The following AGBL1 variants were observed in gnomAD, a reference collection of about 807,000 sequenced individuals.
The protein encoded by AGBL1 is cytosolic carboxypeptidase 4.
A neutral mutation model predicts 118.9 loss-of-function variants in AGBL1; 130 were observed. The ratio of observed to expected loss-of-function variants is 1.09; its 90% CI spans 0.95 to 1.26. The LOEUF (loss-of-function observed/expected upper bound fraction) is 1.26. Ranked by LOEUF, AGBL1 falls within the 50% of genes most tolerant of loss-of-function variation. AGBL1 has a pLI of 0.00. For synonymous variants in AGBL1, 555 were observed against 478.9 expected (o/e 1.16, Z -2.08); for missense variants, 1,584 against 1,298.1 (o/e 1.22, Z -3.38).
intron 23 of AGBL1, among the ~76,000 whole-genome samples, chr15:86,928,852 A>G (rs1371822984): frequency 7.0e-6 from 1 of 143,338 alleles, no homozygotes; most frequent in African/African-American, 2.5e-5. Context: ...GTGTTAATTT[A>G]TAATTTTTTT....
chr15:86,759,419 A>G (rs892739494), intron 22 of AGBL1, among the ~76,000 whole-genome samples: 7 of 152,138 alleles, frequency 4.6e-5, no homozygotes, highest in Non-Finnish European at 8.8e-5. Flanking sequence ...ACTTCCTCAT[A>G]AAGTTGAAAA....
chr15:86,239,078 C>T (rs779424040), intron 6 of AGBL1, among the ~76,000 whole-genome samples: 2 of 152,112 alleles, frequency 1.3e-5, no homozygotes, highest in African/African-American at 2.4e-5. Flanking sequence ...AGAGAAATTC[C>T]TGTGGTTTGG....
chr15:86,684,464 T>C (rs1029123712), intron 22 of AGBL1, among the ~76,000 whole-genome samples: 30 of 2,246 alleles, frequency 0.013, no homozygotes, highest in African/African-American at 0.025. Flanking sequence ...TAGTTCTCTC[T>C]TTTTTTTTTT....
intron 18 of AGBL1, among the ~76,000 whole-genome samples, chr15:86,493,142 T>C (rs545044812): frequency 1.3e-5 from 2 of 152,128 alleles, no homozygotes; most frequent in Admixed American, 1.3e-4. Context: ...TGCAGTGAGC[T>C]GAGATCATGC....
intron 18 of AGBL1, among the ~76,000 whole-genome samples, chr15:86,502,319 C>A (rs4457963): frequency 0.43 from 64,585 of 151,190 alleles, 15,094 homozygotes; most frequent in East Asian, 0.68. Flanking sequence ...TAGTTTATTA[C>A]CTCTAATTTT....
At chr15:86,219,311 G>A in intron 5 of AGBL1, among the ~76,000 whole-genome samples, 1 of 152,256 alleles carries the variant, frequency 6.6e-6, no homozygotes, top group East Asian at 1.9e-4. Flanking sequence ...TGTGGTTTTT[G>A]CCATTACTTT....
intron 23 of AGBL1, among the ~76,000 whole-genome samples, chr15:86,972,133 T>G (rs1235362790): frequency 6.6e-6 from 1 of 152,032 alleles, no homozygotes; most frequent in African/African-American, 2.4e-5. Flanking sequence ...TGAATATAGT[T>G]TTCCATTTAC....
intron 3 of AGBL1, among the ~76,000 whole-genome samples, chr15:86,146,698 G>A (rs2077038199): frequency 6.6e-6 from 1 of 152,178 alleles, no homozygotes; most frequent in Admixed American, 6.5e-5. Context: ...CTGCCATCAA[G>A]GGGTTATAGT....
In AGBL1 at chr15:86,385,903, T is replaced by A. The variant is rs193038329; in HGVS notation, c.2375-11463T>A. ...CCTATCTGACTTTTAAAAATTACCT[T>A]GTTTGTTTTATTCTCCTCCTCCTCC... is the stretch of plus-strand genomic sequence containing the variant. On this transcript the variant is annotated intron_variant, in intron 17 of 22. Coordinates refer to ENST00000614907, the MANE Select transcript of AGBL1 (RefSeq NM_001386094.1). Among the ~76,000 whole-genome samples the A allele has an allele frequency of 1.9e-4, 29 of 151,378 alleles. No individual in the cohort carries two copies. In the East Asian group the frequency reaches 5.3e-3, roughly 28 times the overall value.
At chr15:86,434,675 C>T (rs535634780) in intron 18 of AGBL1, among the ~76,000 whole-genome samples, 5 of 152,162 alleles carry the variant, frequency 3.3e-5, no homozygotes, top group South Asian at 2.1e-4. Context: ...ATCCATTAGT[C>T]GGTCCCCTCT....
chr15:86,291,116 G>T (rs2079538558), intron 16 of AGBL1, among the ~76,000 whole-genome samples: 1 of 152,144 alleles, frequency 6.6e-6, no homozygotes, highest in Non-Finnish European at 1.5e-5. Context: ...AACAGTGATA[G>T]ACTGGACCAA....
chr15:86,389,892 TATTAA>T (rs750220921), intron 17 of AGBL1, among the ~76,000 whole-genome samples: 8 of 152,060 alleles, frequency 5.3e-5, no homozygotes, highest in Non-Finnish European at 1.0e-4. Context: ...GGAGAGCAAA[TATTAA>T]ATTGATAGCT....
chr15:86,360,319 C>CTTTTTTTTTTTTTTTTTTTTTTTTTT (rs570573457), intron 17 of AGBL1, among the ~76,000 whole-genome samples: 1 of 136,028 alleles, frequency 7.4e-6, no homozygotes, highest in Non-Finnish European at 1.6e-5. Context: ...GGGTTTTTTC[C>CTTTTTTTTTTTTTTTTTTTTTTTTTT]TTTTTTTTTT....
rs560008902 is a variant in AGBL1, at chr15:86,392,524, A to G, written c.2375-4842A>G. 3.9e-4 allele frequency among the ~76,000 whole-genome samples: 60 copies of G among 152,306 alleles called. 1 individual carries two copies. In the South Asian group the frequency reaches 0.012, roughly 32 times the overall value. On this transcript the variant is annotated intron_variant, in intron 17 of 22. Transcript: ENST00000614907. ...AAAACCATTATTTATCTTGTAATCT[A>G]CAGAACCCTGCAGAGTGCCAGTAGA...
At chr15:86,735,668 A>ATATATATT (rs1474387622) in intron 22 of AGBL1, among the ~76,000 whole-genome samples, 5 of 150,432 alleles carry the variant, frequency 3.3e-5, no homozygotes, top group African/African-American at 1.2e-4. Context: ...ATATATATAT[A>ATATATATT]TTTTATTTGT....
At position 86,080,033 on chromosome 15, in the gene AGBL1, G is replaced by A. The variant is rs1895160115; in HGVS notation, c.51+10G>A. The A allele has an allele frequency of 1.6e-6, 2 of 1,232,220 alleles. No individual in the cohort carries two copies. The highest frequency in any genetic ancestry group is 1.0e-6 in the Non-Finnish European group (1 of 988,030). 76.3% of individuals were successfully genotyped at this position (1,232,220 alleles called of 1,614,324 possible). ...GCTGCACACGCTTCAGGTAGGAAAG[G>A]GTAGAGTGGGTGCAGAACCCGGCGG... On this transcript the variant is annotated intron_variant, in intron 1 of 22. Transcript: ENST00000614907.
chr15:86,387,635 A>C (rs1313843704), intron 17 of AGBL1, among the ~76,000 whole-genome samples: 1 of 152,210 alleles, frequency 6.6e-6, no homozygotes, highest in African/African-American at 2.4e-5. Context: ...AAAAGATTTA[A>C]GAAAAAGATT....
At chr15:86,765,705 A>T (rs573531487) in intron 22 of AGBL1, among the ~76,000 whole-genome samples, 33 of 152,042 alleles carry the variant, frequency 2.2e-4, no homozygotes, top group African/African-American at 6.5e-4. Flanking sequence ...GCTTTTTTTT[A>T]AAAATTTTTA....
intron 22 of AGBL1, among the ~76,000 whole-genome samples, chr15:86,736,744 T>A (rs764749060): frequency 6.6e-6 from 1 of 152,210 alleles, no homozygotes; most frequent in East Asian, 1.9e-4. Context: ...TAAGTATGCA[T>A]GCTGGAAGTA....
Sources: gnomAD v4.1 joint callset for allele counts (sites outside exome capture counted in the v4.1 genomes callset) on GRCh38, gnomAD v4.1.1 for gene constraint, MANE v1.5 for transcripts, NCBI Gene and HGNC (gene_info 2026-07-23, HGNC 2026-07-21) for gene names.